CLSTN2: variants seen among roughly 807,000 people sequenced by gnomAD.
The protein encoded by CLSTN2 is calsyntenin 2, also known as calsyntenin-2.
CLSTN2 carries 48 observed loss-of-function variants against 101.2 expected under a neutral mutation model. That is an observed-to-expected ratio of 0.47 (90% CI 0.38 to 0.60). The LOEUF (loss-of-function observed/expected upper bound fraction) is 0.60. CLSTN2 is among the 20% of genes least tolerant of loss of function. CLSTN2 has a pLI of 0.00. For missense variants in CLSTN2, 1,160 were observed against 1,238.2 expected (o/e 0.94, Z 0.95); for synonymous variants, 481 against 463.6 (o/e 1.04, Z -0.48).
At chr3:140,182,775 C>G (rs1318859108) in intron 2 of CLSTN2, among the ~76,000 whole-genome samples, 4 of 152,164 alleles carry the variant, frequency 2.6e-5, no homozygotes, top group African/African-American at 4.8e-5. Flanking sequence ...ATATTCTGTG[C>G]TCAACCTTGA....
chr3:140,192,498 G>T (rs993135236), intron 2 of CLSTN2, among the ~76,000 whole-genome samples: 2 of 151,716 alleles, frequency 1.3e-5, no homozygotes, highest in Admixed American at 1.3e-4. Context: ...CATACACATT[G>T]AGAATTGCTG....
chr3:140,312,639 G>T (rs2087181815), intron 2 of CLSTN2, among the ~76,000 whole-genome samples: 1 of 152,190 alleles, frequency 6.6e-6, no homozygotes, highest in Non-Finnish European at 1.5e-5. Context: ...CTATCATGTT[G>T]TTAGCATTGT....
chr3:140,541,328 G>C (rs773182104), intron 9 of CLSTN2, among the ~76,000 whole-genome samples: 1 of 152,200 alleles, frequency 6.6e-6, no homozygotes, highest in Non-Finnish European at 1.5e-5. Context: ...ATCCAGCCTT[G>C]TTTCAGTTCA....
intron 2 of CLSTN2, among the ~76,000 whole-genome samples, chr3:140,265,898 C>T (rs1027609269): frequency 1.3e-5 from 2 of 152,202 alleles, no homozygotes; most frequent in African/African-American, 4.8e-5. Flanking sequence ...ATTCAGAAAG[C>T]ATCCCTGCAC....
At chr3:140,508,587 G>C (rs1358101105) in intron 8 of CLSTN2, 3 of 152,236 alleles carry the variant, frequency 2.0e-5, no homozygotes, top group Non-Finnish European at 4.4e-5. Context: ...GATCTGCTTA[G>C]TCTTTGTGCA....
chr3:140,382,921 G>A (rs550397683), intron 2 of CLSTN2, among the ~76,000 whole-genome samples: 9 of 137,302 alleles, frequency 6.6e-5, no homozygotes, highest in Admixed American at 3.8e-4. Context: ...ATCACACTGC[G>A]GATTAGGTTT....
At chr3:140,157,886 A>G (rs1344073889) in intron 1 of CLSTN2, among the ~76,000 whole-genome samples, 2 of 152,252 alleles carry the variant, frequency 1.3e-5, no homozygotes, top group Non-Finnish European at 2.9e-5. Flanking sequence ...GTGATTCAGC[A>G]CATAAACAGA....
chr3:140,362,722 C>A (rs551340339), intron 2 of CLSTN2, among the ~76,000 whole-genome samples: 13 of 152,230 alleles, frequency 8.5e-5, no homozygotes, highest in African/African-American at 3.1e-4. Context: ...GGTACTCAAT[C>A]AATATAATTA....
chr3:140,270,175 T>G (rs368999846), intron 2 of CLSTN2, among the ~76,000 whole-genome samples: 1 of 152,286 alleles, frequency 6.6e-6, no homozygotes, highest in Admixed American at 6.5e-5. Context: ...TAACTATGTG[T>G]CCACTAACGG....
Position 140,289,026 on chromosome 3 carries a change from C to A in CLSTN2, c.232+112953C>A, listed in dbSNP as rs576772527. Among the ~76,000 whole-genome samples, 7 of 152,244 alleles carry A rather than the reference C, an allele frequency of 4.6e-5. No individual in the cohort carries two copies. The South Asian group carries it at 1.5e-3, about 32-fold the overall frequency. On this transcript the variant is annotated intron_variant, in intron 2 of 16. Transcript: ENST00000458420. ...TGCGTTGATTATGCTGTGTTGAAAT[C>A]CTCTGGAATCTTCACTGGCTGCTCC...
At chr3:140,307,713 A>G (rs2087128930) in intron 2 of CLSTN2, among the ~76,000 whole-genome samples, 1 of 152,104 alleles carries the variant, frequency 6.6e-6, no homozygotes, top group Non-Finnish European at 1.5e-5. Context: ...TAGTCCCTGT[A>G]TCTTCTTGAA....
At chr3:140,564,197 C>A (rs759479182) in intron 16 of CLSTN2, 52 bp downstream of exon 16, 1 of 1,549,372 alleles carries the variant, frequency 6.5e-7, no homozygotes, top group Non-Finnish European at 8.9e-7. Context: ...CTCCCTCTAC[C>A]CAGCTCAACC....
chr3:140,434,639 T>C (rs1393439141), intron 5 of CLSTN2, among the ~76,000 whole-genome samples: 2 of 152,086 alleles, frequency 1.3e-5, no homozygotes, highest in East Asian at 1.9e-4. Context: ...GCCTAAGGGA[T>C]TGGGGAAGGG....
chr3:140,030,533 C>T lies in CLSTN2; in HGVS notation c.109+95050C>T, dbSNP rs573748376. On this transcript the variant is annotated intron_variant, in intron 1 of 16. Transcript: ENST00000458420. Reference sequence around the variant, plus strand: ...GGTCTATTCTAGGTCACTCACTAGGCAGGTGGTAGACTCAGAGAACACTGG... The same window carrying T: ...GGTCTATTCTAGGTCACTCACTAGGTAGGTGGTAGACTCAGAGAACACTGG... Among the ~76,000 whole-genome samples, 10 of 152,248 alleles carry T rather than the reference C, an allele frequency of 6.6e-5. No homozygotes were observed. In the South Asian group the frequency reaches 1.5e-3, roughly 22 times the overall value.
chr3:140,171,655 TATATATTATA>T (rs2010217609), intron 1 of CLSTN2, among the ~76,000 whole-genome samples: 1 of 21,868 alleles, frequency 4.6e-5, no homozygotes, highest in Non-Finnish European at 8.8e-5. Context: ...TAATACGTAT[TATATATTATA>T]TATAATATGT....
intron 1 of CLSTN2, among the ~76,000 whole-genome samples, chr3:140,139,431 G>A (rs6804603): frequency 0.015 from 2,272 of 152,296 alleles, 51 homozygotes; most frequent in African/African-American, 0.049. Context: ...AGGGTCCACC[G>A]CATTGCAGGT....
At chr3:140,290,407 A>G (rs913203617) in intron 2 of CLSTN2, among the ~76,000 whole-genome samples, 1 of 152,154 alleles carries the variant, frequency 6.6e-6, no homozygotes, top group Non-Finnish European at 1.5e-5. Flanking sequence ...ATACCCGAGC[A>G]TTAGGAAGGG....
At chr3:140,267,831 A>G (rs1311309486) in intron 2 of CLSTN2, among the ~76,000 whole-genome samples, 5 of 152,098 alleles carry the variant, frequency 3.3e-5, no homozygotes, top group Non-Finnish European at 7.3e-5. Context: ...ATGGCTCAGA[A>G]CTCCAGCTTA....
At chr3:140,232,932 C>T (rs1444354443) in intron 2 of CLSTN2, among the ~76,000 whole-genome samples, 2 of 152,122 alleles carry the variant, frequency 1.3e-5, no homozygotes. Context: ...ACTGACCTCC[C>T]CTCCGTCGTG....
Sources: gnomAD v4.1 joint callset for allele counts (sites outside exome capture counted in the v4.1 genomes callset) on GRCh38, gnomAD v4.1.1 for gene constraint, MANE v1.5 for transcripts, NCBI Gene and HGNC (gene_info 2026-07-23, HGNC 2026-07-21) for gene names.